RGS6: variants seen among roughly 807,000 people sequenced by gnomAD.
The protein encoded by RGS6 is regulator of G protein signaling 6, also known as regulator of G-protein signaling 6.
RGS6 carries 30 observed loss-of-function variants against 78.5 expected under a neutral mutation model. That is an observed-to-expected ratio of 0.38 (90% CI 0.29 to 0.52). The LOEUF (loss-of-function observed/expected upper bound fraction) is 0.52. Among genes scored for constraint, RGS6 ranks in the 20% least tolerant of loss-of-function variants. The pLI is 0.85. For synonymous variants in RGS6, 206 were observed against 206.0 expected, an observed-to-expected ratio of 1.00 and a Z score of 0.00; for missense variants, 495 against 609.7, an observed-to-expected ratio of 0.81 and a Z score of 1.98.
intron 2 of RGS6, among the ~76,000 whole-genome samples, chr14:72,272,692 T>C (rs941475698): frequency 1.3e-5 from 2 of 152,240 alleles, no homozygotes; most frequent in African/African-American, 4.8e-5. Context: ...TAATGCAGTG[T>C]TCACTACCAG....
intron 12 of RGS6, among the ~76,000 whole-genome samples, chr14:72,485,118 A>G (rs1323860219): frequency 6.6e-6 from 1 of 152,186 alleles, no homozygotes. Context: ...ATTTGAAAAT[A>G]ACAAAAGCAT....
chr14:72,289,164 C>T lies in RGS6; in HGVS notation c.85-62931C>T, dbSNP rs141993257. 2.5e-4 allele frequency among the ~76,000 whole-genome samples: 38 copies of T among 152,296 alleles called. 1 individual carries two copies. The East Asian group carries it at 6.8e-3, about 27-fold the overall frequency. ...AATCAGCAGCTCAGGAAATAGTCCA[C>T]GGTAGATCCTCATCTTTGTATTTCC... On this transcript the variant is annotated intron_variant, in intron 2 of 17. Coordinates refer to ENST00000553525, the MANE Select transcript of RGS6 (RefSeq NM_001204424.2).
chr14:72,256,000 A>G (rs1029583145), intron 2 of RGS6, among the ~76,000 whole-genome samples: 2 of 152,232 alleles, frequency 1.3e-5, no homozygotes, highest in Non-Finnish European at 2.9e-5. Flanking sequence ...AATTTAAATA[A>G]TGAACCACTT....
chr14:72,239,228 C>T (rs2052067137), intron 2 of RGS6, among the ~76,000 whole-genome samples: 1 of 152,128 alleles, frequency 6.6e-6, no homozygotes, highest in African/African-American at 2.4e-5. Flanking sequence ...CAGTGCCCTC[C>T]TTACCTTTGG....
At chr14:72,091,226 C>A (rs1011131599) in intron 2 of RGS6, among the ~76,000 whole-genome samples, 1 of 152,182 alleles carries the variant, frequency 6.6e-6, no homozygotes, top group African/African-American at 2.4e-5. Flanking sequence ...AGCCCTTGGG[C>A]CATTCTCTGT....
the RGS6 span, among the ~76,000 whole-genome samples, chr14:72,579,217 C>CGGA: frequency 0.13 from 19,199 of 152,072 alleles, 1,269 homozygotes; most frequent in Middle Eastern, 0.23. Flanking sequence ...CACAAGGAAT[C>CGGA]GGAGAACAAG....
Position 71,970,653 on chromosome 14 carries a change from A to G in RGS6, c.84+5778A>G, listed in dbSNP as rs184302521. On this transcript the variant is annotated intron_variant, in intron 2 of 17. Transcript: ENST00000553525. ...TCCTGGTGACTAAGGCATGATGAGG[A>G]TTAGAAACTGTCGAATCAGGAAATA... Among the ~76,000 whole-genome samples the G allele has an allele frequency of 9.2e-5, 14 of 152,244 alleles. No homozygotes were observed. The East Asian group carries it at 2.7e-3, about 29-fold the overall frequency.
intron 3 of RGS6, among the ~76,000 whole-genome samples, chr14:72,399,912 T>C (rs61995117): frequency 0.021 from 3,222 of 152,244 alleles, 50 homozygotes; most frequent in Non-Finnish European, 0.032. Flanking sequence ...CTACATCTAA[T>C]TGATGTACCT....
chr14:72,221,685 T>A (rs1380802158), intron 2 of RGS6, among the ~76,000 whole-genome samples: 1 of 152,180 alleles, frequency 6.6e-6, no homozygotes, highest in Admixed American at 6.5e-5. Flanking sequence ...GCAGTGATGA[T>A]GCAAAAATGT....
At chr14:72,447,602 G>A (rs2095397555) in intron 3 of RGS6, among the ~76,000 whole-genome samples, 1 of 152,206 alleles carries the variant, frequency 6.6e-6, no homozygotes, top group Non-Finnish European at 1.5e-5. Context: ...GGCTCTGTGA[G>A]TAGCCAATGT....
chr14:72,368,762 AAG>A (rs766482669), intron 3 of RGS6, among the ~76,000 whole-genome samples: 8 of 152,208 alleles, frequency 5.3e-5, no homozygotes, highest in Non-Finnish European at 1.2e-4. Flanking sequence ...CACTGGAAGG[AAG>A]AACTTTAAAA....
chr14:71,936,856 C>T (rs368811285), intron 1 of RGS6, among the ~76,000 whole-genome samples: 36 of 152,312 alleles, frequency 2.4e-4, no homozygotes, highest in East Asian at 9.6e-4. Flanking sequence ...GTCACATGGT[C>T]GTAGCTGGTA....
At chr14:71,999,551 C>T (rs574353592) in intron 2 of RGS6, among the ~76,000 whole-genome samples, 20 of 152,108 alleles carry the variant, frequency 1.3e-4, no homozygotes, top group East Asian at 7.7e-4. Context: ...GCTCAAATCT[C>T]GTGTCAAATC....
At chr14:72,592,104 A>C in the RGS6 span, among the ~76,000 whole-genome samples, 1 of 152,218 alleles carries the variant, frequency 6.6e-6, no homozygotes, top group Non-Finnish European at 1.5e-5. Flanking sequence ...GCTGGGCTTC[A>C]TCAGTGATTC....
At chr14:72,537,691 A>T (rs1287018455) in intron 16 of RGS6, 2 of 620,808 alleles carry the variant, frequency 3.2e-6, no homozygotes, top group East Asian at 5.5e-5. Context: ...TGATAACTCC[A>T]GCCCAGATCT....
In RGS6 at chr14:72,335,701, A is replaced by G. The variant is rs1415046420; in HGVS notation, c.85-16394A>G. On this transcript the variant is annotated intron_variant, in intron 2 of 17. Coordinates refer to ENST00000553525, the MANE Select transcript of RGS6 (RefSeq NM_001204424.2). ...GGAAGAAGAAGAATTGTCTTGGGCCACACATAAAATATACTAACACTAATG... is the reference window on the plus strand; with the variant it reads ...GGAAGAAGAAGAATTGTCTTGGGCCGCACATAAAATATACTAACACTAATG... Among the ~76,000 whole-genome samples, 6 of 152,344 alleles carry G rather than the reference A, an allele frequency of 3.9e-5. No homozygotes were observed. The East Asian group carries it at 1.2e-3, about 29-fold the overall frequency.
At chr14:72,247,254 C>T (rs2054466431) in intron 2 of RGS6, among the ~76,000 whole-genome samples, 1 of 152,136 alleles carries the variant, frequency 6.6e-6, no homozygotes, top group Non-Finnish European at 1.5e-5. Context: ...TGTAAGCTCC[C>T]TGAAAGTTGG....
chr14:71,924,579 T>C, the RGS6 span, among the ~76,000 whole-genome samples: 2 of 152,222 alleles, frequency 1.3e-5, no homozygotes, highest in Admixed American at 6.5e-5. Context: ...TGGTAACCAC[T>C]GTTATGCTGT....
intron 2 of RGS6, among the ~76,000 whole-genome samples, chr14:72,250,209 G>GTGCA (rs888713251): frequency 3.3e-5 from 5 of 151,380 alleles, no homozygotes; most frequent in Non-Finnish European, 5.9e-5. Flanking sequence ...CCTGCACAAT[G>GTGCA]TGCACATGTA....
Sources: gnomAD v4.1 joint callset for allele counts (sites outside exome capture counted in the v4.1 genomes callset) on GRCh38, gnomAD v4.1.1 for gene constraint, MANE v1.5 for transcripts, NCBI Gene and HGNC (gene_info 2026-07-23, HGNC 2026-07-21) for gene names.